Variants in NKAIN3 observed in about 807,000 individuals in gnomAD.
The protein encoded by NKAIN3 is sodium/potassium-transporting ATPase subunit beta-1-interacting protein 3.
In NKAIN3, 25 loss-of-function variants were observed where a neutral mutation model predicts 30.2. The observed-to-expected ratio is 0.83, with a 90% CI of 0.60 to 1.16. The LOEUF (loss-of-function observed/expected upper bound fraction) is 1.16. Among genes scored for constraint, NKAIN3 ranks in the 50% most tolerant of loss-of-function variants. The pLI is 0.00. For synonymous variants in NKAIN3, 91 were observed against 89.6 expected (o/e 1.02, Z -0.09); for missense variants, 225 against 254.1 (o/e 0.89, Z 0.78).
At chr8:62,855,313 G>A (rs778233590) in intron 4 of NKAIN3, 195 of 561,108 alleles carry the variant, frequency 3.5e-4, no homozygotes, top group Non-Finnish European at 5.5e-4. Context: ...GTCAGGCCTG[G>A]AAGTGCTCAG....
chr8:62,414,566 C>T (rs1804371824), intron 1 of NKAIN3, among the ~76,000 whole-genome samples: 1 of 152,066 alleles, frequency 6.6e-6, no homozygotes, highest in South Asian at 2.1e-4. Context: ...AAAAATGAGT[C>T]AACTTTTCTA....
At chr8:62,447,525 A>G (rs1352262247) in intron 1 of NKAIN3, among the ~76,000 whole-genome samples, 4 of 151,998 alleles carry the variant, frequency 2.6e-5, no homozygotes, top group Non-Finnish European at 4.4e-5. Flanking sequence ...TTTGTCAGTA[A>G]TTATCTCAGA....
At chr8:62,502,458 C>G (rs1807486749) in intron 1 of NKAIN3, among the ~76,000 whole-genome samples, 1 of 152,082 alleles carries the variant, frequency 6.6e-6, no homozygotes, top group African/African-American at 2.4e-5. Flanking sequence ...ATGTAATTTT[C>G]CAGAGTTAAC....
chr8:62,596,584 T>G (rs1015234745), intron 3 of NKAIN3, among the ~76,000 whole-genome samples: 6 of 152,068 alleles, frequency 3.9e-5, no homozygotes, highest in Admixed American at 2.0e-4. Context: ...ATTTACCCTT[T>G]TCTCTACCCC....
At chr8:62,986,517 A>G (rs886329764), downstream of NKAIN3, among the ~76,000 whole-genome samples, 14 of 152,116 alleles carry the variant, frequency 9.2e-5, no homozygotes, top group African/African-American at 3.4e-4. Flanking sequence ...TGCCCTCCCT[A>G]CCAAAGTGAA....
At chr8:62,553,691 C>A (rs2129946727) in intron 1 of NKAIN3, among the ~76,000 whole-genome samples, 1 of 152,084 alleles carries the variant, frequency 6.6e-6, no homozygotes, top group Admixed American at 6.5e-5. Flanking sequence ...CACCCACCAA[C>A]ACACCCGGCT....
At chr8:62,404,348 G>T (rs1803990423) in intron 1 of NKAIN3, among the ~76,000 whole-genome samples, 1 of 152,136 alleles carries the variant, frequency 6.6e-6, no homozygotes, top group Non-Finnish European at 1.5e-5. Context: ...AGGGGCCAGG[G>T]GAGGAATGAT....
chr8:62,642,277 C>T (rs1377079028), intron 3 of NKAIN3, among the ~76,000 whole-genome samples: 2 of 152,030 alleles, frequency 1.3e-5, no homozygotes, highest in African/African-American at 2.4e-5. Context: ...GAACTGTCAT[C>T]GAAACCTCAG....
chr8:62,523,124 A>G (rs552303419), intron 1 of NKAIN3, among the ~76,000 whole-genome samples: 1 of 152,190 alleles, frequency 6.6e-6, no homozygotes, highest in South Asian at 2.1e-4. Flanking sequence ...CTGTATTTTT[A>G]CTGTTCCTTT....
chr8:62,915,155 T>C (rs528737490), intron 4 of NKAIN3, among the ~76,000 whole-genome samples: 83 of 152,316 alleles, frequency 5.4e-4, no homozygotes, highest in Admixed American at 1.3e-3. Context: ...TAAATATGAG[T>C]TCACAGATGT....
chr8:62,323,528 C>T (rs749745318), intron 1 of NKAIN3, among the ~76,000 whole-genome samples: 13 of 152,128 alleles, frequency 8.5e-5, no homozygotes, highest in Non-Finnish European at 1.6e-4. Flanking sequence ...CAGGTGTCCT[C>T]GCAGAAGTAT....
intron 3 of NKAIN3, among the ~76,000 whole-genome samples, chr8:62,709,048 A>G (rs1374942779): frequency 2.0e-5 from 3 of 152,322 alleles, no homozygotes; most frequent in East Asian, 3.9e-4. Context: ...GTGTTAAACC[A>G]TCCCTGCATC....
intron 4 of NKAIN3, among the ~76,000 whole-genome samples, chr8:62,791,837 T>C (rs960805283): frequency 3.3e-5 from 5 of 152,150 alleles, no homozygotes; most frequent in Admixed American, 2.0e-4. Flanking sequence ...TAAACATTAT[T>C]GAATATATTT....
At chr8:62,362,262 A>C (rs1476545956) in intron 1 of NKAIN3, among the ~76,000 whole-genome samples, 1 of 152,236 alleles carries the variant, frequency 6.6e-6, no homozygotes, top group African/African-American at 2.4e-5. Context: ...GGCAGGAATC[A>C]GAGGGACACA....
At chr8:62,289,181 A>T (rs1021433628) in intron 1 of NKAIN3, among the ~76,000 whole-genome samples, 6 of 152,090 alleles carry the variant, frequency 3.9e-5, no homozygotes, top group Non-Finnish European at 7.4e-5. Flanking sequence ...ATTTTCTCCC[A>T]TTCTGTAGGT....
intron 1 of NKAIN3, among the ~76,000 whole-genome samples, chr8:62,366,854 G>T (rs1425140166): frequency 6.6e-6 from 1 of 151,978 alleles, no homozygotes; most frequent in Non-Finnish European, 1.5e-5. Flanking sequence ...TCTTTGAACT[G>T]CTTCTGTTGT....
chr8:62,752,084 T>C (rs1269884281), intron 4 of NKAIN3, among the ~76,000 whole-genome samples: 1 of 152,134 alleles, frequency 6.6e-6, no homozygotes, highest in Non-Finnish European at 1.5e-5. Context: ...CAAGAGACTC[T>C]GAAGTCCCAA....
intron 1 of NKAIN3, among the ~76,000 whole-genome samples, chr8:62,541,042 G>A (rs1808822182): frequency 6.6e-6 from 1 of 152,134 alleles, no homozygotes; most frequent in South Asian, 2.1e-4. Context: ...AGGCTCAGTG[G>A]CTAATGCTTT....
At chr8:62,386,549 T>C (rs1160228626) in intron 1 of NKAIN3, among the ~76,000 whole-genome samples, 1 of 152,160 alleles carries the variant, frequency 6.6e-6, no homozygotes, top group Non-Finnish European at 1.5e-5. Flanking sequence ...ATTTTTAAAA[T>C]AAATTACAAA....
Sources: gnomAD v4.1 joint callset for allele counts (sites outside exome capture counted in the v4.1 genomes callset) on GRCh38, gnomAD v4.1.1 for gene constraint, MANE v1.5 for transcripts, NCBI Gene and HGNC (gene_info 2026-07-23, HGNC 2026-07-21) for gene names.